Variants in HMGCLL1 observed in about 807,000 individuals in gnomAD.
The protein encoded by HMGCLL1 is 3-hydroxy-3-methylglutaryl-CoA lyase like 1.
Under a neutral mutation model 39.1 loss-of-function variants are expected in HMGCLL1, and 36 were observed. The observed-to-expected ratio is 0.92, with a 90% confidence interval of 0.71 to 1.22. HMGCLL1 has a LOEUF of 1.22. HMGCLL1 is among the 50% of genes most tolerant of loss of function. HMGCLL1 has a pLI of 0.00. For missense variants in HMGCLL1, 451 were observed against 416.5 expected (o/e 1.08, Z -0.72); for synonymous variants, 149 against 144.0 (o/e 1.03, Z -0.25).
the HMGCLL1 span, among the ~76,000 whole-genome samples, chr6:55,649,388 T>C: frequency 8.7e-5 from 13 of 149,962 alleles, 1 homozygote; most frequent in African/African-American, 3.2e-4. Context: ...TTTTTTTTTT[T>C]CCTTTCTCCA....
chr6:55,591,342 A>G, the HMGCLL1 span, among the ~76,000 whole-genome samples: 11 of 151,940 alleles, frequency 7.2e-5, 1 homozygote, highest in African/African-American at 2.7e-4. Flanking sequence ...TATCTTCAGC[A>G]GTGATGTGTG....
At chr6:55,485,133 C>T (rs1765955451) in intron 7 of HMGCLL1, among the ~76,000 whole-genome samples, 1 of 152,042 alleles carries the variant, frequency 6.6e-6, no homozygotes, top group Non-Finnish European at 1.5e-5. Flanking sequence ...CAGTTCTTTG[C>T]TTACATCTCT....
At chr6:55,594,269 C>T in the HMGCLL1 span, among the ~76,000 whole-genome samples, 1 of 152,150 alleles carries the variant, frequency 6.6e-6, no homozygotes, top group Non-Finnish European at 1.5e-5. Context: ...GTCTGGGTTT[C>T]CCCATGTCAT....
chr6:55,586,531 C>T, the HMGCLL1 span, among the ~76,000 whole-genome samples: 4 of 151,752 alleles, frequency 2.6e-5, no homozygotes, highest in Non-Finnish European at 5.9e-5. Flanking sequence ...TCTCCTAATG[C>T]TATCCCTCCC....
At chr6:55,615,944 C>A in the HMGCLL1 span, among the ~76,000 whole-genome samples, 5 of 152,062 alleles carry the variant, frequency 3.3e-5, no homozygotes, top group African/African-American at 1.2e-4. Context: ...CCTGCCCTAT[C>A]CCCCACTTGA....
the HMGCLL1 span, among the ~76,000 whole-genome samples, chr6:55,627,314 T>C: frequency 6.6e-6 from 1 of 152,094 alleles, no homozygotes; most frequent in Admixed American, 6.6e-5. Context: ...TTTATTGACT[T>C]CTTGTCAGCA....
At chr6:55,608,833 G>A in the HMGCLL1 span, among the ~76,000 whole-genome samples, 1 of 152,222 alleles carries the variant, frequency 6.6e-6, no homozygotes, top group Admixed American at 6.5e-5. Flanking sequence ...ACTCACCAAG[G>A]AGAACCAAAG....
Position 55,572,117 on chromosome 6 carries a change from G to C in HMGCLL1, c.108+6831C>G, listed in dbSNP as rs935050340. On this transcript the variant is annotated intron_variant, in intron 1 of 8. Transcript: ENST00000274901. ...CATACAAACATACACATACAGTCAA[G>C]AGCATAAACAAGCCTACAAGATACT... is the stretch of plus-strand genomic sequence containing the variant. Among the ~76,000 whole-genome samples the C allele has an allele frequency of 6.6e-5, 10 of 152,064 alleles. 1 individual carries two copies. Among genetic ancestry groups the C allele is most frequent in the Admixed American group, 3.3e-4 (5 of 15,280 alleles).
chr6:55,587,867 A>G, the HMGCLL1 span, among the ~76,000 whole-genome samples: 1 of 152,188 alleles, frequency 6.6e-6, no homozygotes, highest in East Asian at 1.9e-4. Flanking sequence ...TCCTAAATAT[A>G]TATGCACCCA....
chr6:55,451,734 ATGT>A lies in HMGCLL1; in HGVS notation c.796-12178_796-12176del, dbSNP rs139265228. Among the ~76,000 whole-genome samples the A allele has an allele frequency of 3.1e-3, 474 of 152,302 alleles. 5 individuals carry two copies. The highest frequency in any genetic ancestry group is 0.011 in the African/African-American group (457 of 41,564). The stretch of plus-strand genomic sequence containing the variant: ...TAGATGTTAGTGGGAGACATACCTA[ATGT>A]TGTGAAAATACAACTAAATGTTAAT... On this transcript the variant is annotated intron_variant, in intron 7 of 8. Transcript: ENST00000274901.
chr6:55,639,150 AT>A, the HMGCLL1 span, among the ~76,000 whole-genome samples: 7 of 152,074 alleles, frequency 4.6e-5, no homozygotes, highest in African/African-American at 1.7e-4. Flanking sequence ...ATGTTGAACT[AT>A]TAAATTAAGT....
chr6:55,476,755 T>C (rs1765305514), intron 7 of HMGCLL1, among the ~76,000 whole-genome samples: 1 of 151,616 alleles, frequency 6.6e-6, no homozygotes, highest in African/African-American at 2.4e-5. Context: ...GTCACTAAAT[T>C]CCCTTTGAAA....
At chr6:55,672,912 T>C in the HMGCLL1 span, among the ~76,000 whole-genome samples, 1 of 151,934 alleles carries the variant, frequency 6.6e-6, no homozygotes, top group East Asian at 1.9e-4. Context: ...TTAGGCACAC[T>C]AATATTGGAA....
the HMGCLL1 span, among the ~76,000 whole-genome samples, chr6:55,664,930 G>C: frequency 6.6e-6 from 1 of 151,662 alleles, no homozygotes; most frequent in Non-Finnish European, 1.5e-5. Context: ...GGTGGGGAGA[G>C]AGAGAAAGAG....
intron 1 of HMGCLL1, among the ~76,000 whole-genome samples, chr6:55,549,962 C>G (rs962963696): frequency 6.6e-6 from 1 of 151,860 alleles, no homozygotes; most frequent in African/African-American, 2.4e-5. Context: ...AAACTTCCAT[C>G]AAAATACAGC....
the HMGCLL1 span, among the ~76,000 whole-genome samples, chr6:55,587,138 T>A: frequency 6.6e-6 from 1 of 152,204 alleles, no homozygotes; most frequent in South Asian, 2.1e-4. Flanking sequence ...ATTTCTCTGA[T>A]GGCCAGTCAT....
the HMGCLL1 span, among the ~76,000 whole-genome samples, chr6:55,678,849 G>A: frequency 2.3e-3 from 345 of 152,222 alleles, 1 homozygote; most frequent in African/African-American, 7.4e-3. Context: ...ACAGATTCCC[G>A]ACATATAAGC....
intron 1 of HMGCLL1, among the ~76,000 whole-genome samples, chr6:55,576,344 A>G (rs1372362883): frequency 2.0e-5 from 3 of 152,092 alleles, no homozygotes; most frequent in Non-Finnish European, 4.4e-5. Context: ...TTATTATAGA[A>G]CTCAAAAAAG....
the HMGCLL1 span, among the ~76,000 whole-genome samples, chr6:55,585,091 C>T: frequency 3.3e-5 from 5 of 151,988 alleles, no homozygotes; most frequent in African/African-American, 1.2e-4. Context: ...GCATTTGGTT[C>T]TAAATTCAAA....
Sources: gnomAD v4.1 joint callset for allele counts (sites outside exome capture counted in the v4.1 genomes callset) on GRCh38, gnomAD v4.1.1 for gene constraint, MANE v1.5 for transcripts, NCBI Gene and HGNC (gene_info 2026-07-23, HGNC 2026-07-21) for gene names.